The following IYD variants were observed in gnomAD, a reference collection of about 807,000 sequenced individuals.
The protein encoded by IYD is iodotyrosine deiodinase.
IYD carries 25 observed loss-of-function variants against 28.4 expected under a neutral mutation model. That is an observed-to-expected ratio of 0.88 (90% CI 0.64 to 1.23). The LOEUF is 1.23. IYD is among the 50% of genes most tolerant of loss of function. The pLI, the probability that IYD is intolerant of heterozygous loss-of-function variation, is 0.00. For missense variants in IYD, 352 were observed against 357.9 expected, an observed-to-expected ratio of 0.98 and a Z score of 0.13; for synonymous variants, 140 against 130.8, an observed-to-expected ratio of 1.07 and a Z score of -0.48.
chr6:150,372,505 G>T (rs13211608), intron 1 of IYD, among the ~76,000 whole-genome samples: 199 of 2,318 alleles, frequency 0.086, 6 homozygotes, highest in African/African-American at 0.18. Flanking sequence ...CATGTGTGTG[G>T]GGGGGTGGGG....
chr6:150,391,261 C>T (rs1403279712), intron 2 of IYD, among the ~76,000 whole-genome samples: 3 of 151,332 alleles, frequency 2.0e-5, no homozygotes, highest in African/African-American at 7.3e-5. Flanking sequence ...AAGAATTCCC[C>T]AACTGTTGTG....
At chr6:150,379,054 A>G (rs1157028394) in intron 1 of IYD, among the ~76,000 whole-genome samples, 1 of 152,204 alleles carries the variant, frequency 6.6e-6, no homozygotes, top group Non-Finnish European at 1.5e-5. Flanking sequence ...GGCTTGCAGC[A>G]TCTGGAATCA....
intron 1 of IYD, among the ~76,000 whole-genome samples, chr6:150,380,869 C>A (rs694489): frequency 0.55 from 84,170 of 151,880 alleles, 23,552 homozygotes; most frequent in African/African-American, 0.59. Context: ...TCCCTTTGGG[C>A]TCCCCTCCCC....
At position 150,374,937 on chromosome 6, in the gene IYD, G is replaced by A. The variant is rs141200659; in HGVS notation, c.178+5728G>A. ...AAGAAGGGCAGTGGAAGGTCAGAAA[G>A]CCCTTTTTGCTCTGAAGTTGGCATG... On this transcript the variant is annotated intron_variant, in intron 1 of 4. Coordinates refer to ENST00000344419, the MANE Select transcript of IYD (RefSeq NM_203395.3). Among the ~76,000 whole-genome samples, 4 of 152,230 alleles carry A rather than the reference G, an allele frequency of 2.6e-5. No individual in the cohort carries two copies. In the East Asian group the frequency reaches 5.8e-4, roughly 22 times the overall value.
At chr6:150,374,056 CAA>C (rs2115016097) in intron 1 of IYD, among the ~76,000 whole-genome samples, 1 of 152,186 alleles carries the variant, frequency 6.6e-6, no homozygotes, top group South Asian at 2.1e-4. Context: ...CTGGGGTACC[CAA>C]AGAGATAAAG....
chr6:150,370,522 G>T (rs1417941812), intron 1 of IYD: 6 of 985,316 alleles, frequency 6.1e-6, no homozygotes, highest in Middle Eastern at 5.2e-4. Context: ...AGCCTGTAGT[G>T]CTGACTGCAC....
chr6:150,395,753 C>T, intron 4 of IYD: 1 of 681,642 alleles, frequency 1.5e-6, no homozygotes, highest in Non-Finnish European at 2.7e-6. Flanking sequence ...GTAGAGGCAG[C>T]TTCCAGAACT....
At chr6:150,389,904 C>T (rs1352879282) in intron 2 of IYD, among the ~76,000 whole-genome samples, 2 of 152,186 alleles carry the variant, frequency 1.3e-5, no homozygotes, top group African/African-American at 2.4e-5. Context: ...CATACACACA[C>T]TCGCATACTC....
intron 4 of IYD, among the ~76,000 whole-genome samples, chr6:150,394,665 T>G (rs966130342): frequency 2.6e-4 from 40 of 152,222 alleles, no homozygotes; most frequent in African/African-American, 9.4e-4. Flanking sequence ...CTGAGAAGTT[T>G]GCGTTGCATG....
chr6:150,381,818 G>A (rs1216204314), intron 1 of IYD, among the ~76,000 whole-genome samples: 1 of 152,076 alleles, frequency 6.6e-6, no homozygotes, highest in East Asian at 1.9e-4. Flanking sequence ...ATGTAACTGA[G>A]GCTTATTCAT....
Position 150,401,254 on chromosome 6 carries a change from G to A in IYD, c.*3017G>A, listed in dbSNP as rs1778501627. ...CATTAGGTTAAGCGATTTACTGAAG[G>A]TGCAGATATCATGCTTATTTCATTG... On this transcript the variant is annotated 3_prime_UTR_variant, in exon 5 of 5. Transcript: ENST00000344419. 6.6e-6 allele frequency: 1 copy of A among 152,128 alleles called. No individual in the cohort carries two copies. Among genetic ancestry groups the A allele is most frequent in the Non-Finnish European group, 1.5e-5 (1 of 68,022 alleles). The allele number at this position is 152,128 out of a possible 1,614,324, so 9.4% of individuals were successfully genotyped here. A position where few individuals can be genotyped will look rare whatever the true frequency, so the allele number is the denominator to read the frequency against.
At chr6:150,389,896 T>C (rs990512087) in intron 2 of IYD, among the ~76,000 whole-genome samples, 1 of 152,142 alleles carries the variant, frequency 6.6e-6, no homozygotes, top group Non-Finnish European at 1.5e-5. Context: ...ACACCAGACA[T>C]ACACACACTC....
At chr6:150,372,968 C>T (rs2115014511) in intron 1 of IYD, among the ~76,000 whole-genome samples, 1 of 152,202 alleles carries the variant, frequency 6.6e-6, no homozygotes, top group African/African-American at 2.4e-5. Context: ...GAAAATCCTA[C>T]CCACAAATCC....
At chr6:150,375,201 C>T (rs140508211) in intron 1 of IYD, among the ~76,000 whole-genome samples, 306 of 152,288 alleles carry the variant, frequency 2.0e-3, no homozygotes, top group Middle Eastern at 6.8e-3. Context: ...AATCATAAGG[C>T]TGCTGAATGA....
intron 4 of IYD, chr6:150,395,694 G>T: frequency 2.5e-6 from 2 of 794,636 alleles, no homozygotes; most frequent in Non-Finnish European, 4.2e-6. Flanking sequence ...CATGAAGCCC[G>T]CATCTCCAGT....
rs1778415603 is a variant in IYD at position 150,398,672 on chromosome 6, A to G, written c.*435A>G. 6.5e-6 allele frequency: 1 copy of G among 153,538 alleles called. No individual in the cohort carries two copies. The highest frequency in any genetic ancestry group is 2.7e-5 in the African/African-American group (1 of 37,684). The allele number at this position is 153,538 out of a possible 1,614,324, so 9.5% of individuals were successfully genotyped here. ...GATTTCTGGTGGCTTTTAGACACTA[A>G]TTTTTGAGAACTACTTTTTTTTTTT... is the stretch of plus-strand genomic sequence containing the variant. On this transcript the variant is annotated 3_prime_UTR_variant, in exon 5 of 5. Coordinates refer to ENST00000344419, the MANE Select transcript of IYD (RefSeq NM_203395.3).
chr6:150,374,898 G>A (rs1288373905), intron 1 of IYD, among the ~76,000 whole-genome samples: 1 of 152,134 alleles, frequency 6.6e-6, no homozygotes, highest in Non-Finnish European at 1.5e-5. Flanking sequence ...TAGATTTTAT[G>A]ACCTGCTTCA....
chr6:150,397,519 G>A (rs538096006), intron 4 of IYD, among the ~76,000 whole-genome samples: 4 of 146,812 alleles, frequency 2.7e-5, no homozygotes, highest in African/African-American at 7.5e-5. Context: ...ACAGTGAGCC[G>A]AGATCATGCC....
rs746683137 is a variant in IYD at position 150,369,026 on chromosome 6, C to T, written c.-6C>T. On this transcript the variant is annotated 5_prime_UTR_variant, in exon 1 of 5. Coordinates refer to ENST00000344419, the MANE Select transcript of IYD (RefSeq NM_203395.3). ...TGTGCACGCCTGTGACGTCAGACTC[C>T]AGACCATGTATTTCCTGACTCCCAT... 1 of 1,613,938 alleles carries T rather than the reference C, an allele frequency of 6.2e-7. No homozygotes were observed. The highest frequency in any genetic ancestry group is 1.7e-5 in the Admixed American group (1 of 60,006).
Sources: gnomAD v4.1 joint callset for allele counts (sites outside exome capture counted in the v4.1 genomes callset) on GRCh38, gnomAD v4.1.1 for gene constraint, MANE v1.5 for transcripts, NCBI Gene and HGNC (gene_info 2026-07-23, HGNC 2026-07-21) for gene names.